The following MSRA variants were observed in gnomAD, a reference collection of about 807,000 sequenced individuals.
The protein encoded by MSRA is mitochondrial peptide methionine sulfoxide reductase.
In MSRA, 54 loss-of-function variants were observed where a neutral mutation model predicts 31.3. That is an observed-to-expected ratio of 1.73 (90% CI 1.39 to 2.17). MSRA has a LOEUF of 2.17. Ranked by LOEUF, MSRA falls within the 30% of genes most tolerant of loss-of-function variation. The pLI, the probability that MSRA is intolerant of heterozygous loss-of-function variation, is 0.00. For missense variants in MSRA, 507 were observed against 300.9 expected (o/e 1.69, Z -5.07); for synonymous variants, 169 against 116.5 (o/e 1.45, Z -2.90).
intron 5 of MSRA, among the ~76,000 whole-genome samples, chr8:10,371,057 T>C (rs1163445165): frequency 2.0e-5 from 3 of 152,304 alleles, no homozygotes; most frequent in African/African-American, 7.2e-5. Context: ...CTGGAGATGT[T>C]TTCAGACCAT....
intron 1 of MSRA, among the ~76,000 whole-genome samples, chr8:10,125,983 CAG>C (rs1160830652): frequency 1.3e-5 from 2 of 152,212 alleles, no homozygotes; most frequent in East Asian, 1.9e-4. Flanking sequence ...CACCGAATGT[CAG>C]AGTCTCCTAC....
intron 1 of MSRA, among the ~76,000 whole-genome samples, chr8:10,091,843 G>T (rs932033994): frequency 6.6e-6 from 1 of 152,088 alleles, no homozygotes; most frequent in Non-Finnish European, 1.5e-5. Flanking sequence ...TTGTCCTCAG[G>T]CAATCTGCTT....
chr8:10,324,312 G>A (rs1339465011), intron 5 of MSRA, among the ~76,000 whole-genome samples: 1 of 152,198 alleles, frequency 6.6e-6, no homozygotes, highest in East Asian at 1.9e-4. Context: ...GTTCATTAAG[G>A]GGTGAGCTTG....
At chr8:10,123,166 C>T (rs771193798) in intron 1 of MSRA, among the ~76,000 whole-genome samples, 8 of 152,356 alleles carry the variant, frequency 5.3e-5, no homozygotes, top group Non-Finnish European at 8.8e-5. Context: ...GTTTTCTTCT[C>T]TTCACAATCT....
chr8:10,068,649 A>G (rs909962457), intron 1 of MSRA, among the ~76,000 whole-genome samples: 2 of 152,152 alleles, frequency 1.3e-5, no homozygotes, highest in African/African-American at 4.8e-5. Context: ...GCTCCTTATT[A>G]TGATCCATTT....
intron 1 of MSRA, among the ~76,000 whole-genome samples, chr8:10,199,132 G>A (rs973875903): frequency 6.6e-6 from 1 of 152,136 alleles, no homozygotes; most frequent in African/African-American, 2.4e-5. Flanking sequence ...AATCATGGAT[G>A]CCTGCTTTGG....
chr8:10,063,249 C>A (rs1224381390), intron 1 of MSRA, among the ~76,000 whole-genome samples: 1 of 152,312 alleles, frequency 6.6e-6, no homozygotes, highest in East Asian at 1.9e-4. Context: ...CCATGAGTCC[C>A]GATGACTTCT....
intron 3 of MSRA, among the ~76,000 whole-genome samples, chr8:10,247,179 G>A (rs182115935): frequency 6.6e-6 from 1 of 152,204 alleles, no homozygotes; most frequent in Non-Finnish European, 1.5e-5. Context: ...ACTGTAATAA[G>A]CACTTTTTCT....
chr8:10,058,488 T>G (rs1164333301), intron 1 of MSRA, among the ~76,000 whole-genome samples: 2 of 152,196 alleles, frequency 1.3e-5, no homozygotes, highest in Non-Finnish European at 2.9e-5. Flanking sequence ...GGTAGAAAAT[T>G]TAAGCAGGTT....
At chr8:10,251,657 G>C (rs893018887) in intron 3 of MSRA, among the ~76,000 whole-genome samples, 2 of 152,150 alleles carry the variant, frequency 1.3e-5, no homozygotes, top group African/African-American at 4.8e-5. Flanking sequence ...TAGGACCAAA[G>C]ATATCTGCTC....
At chr8:10,376,276 C>T (rs536132311) in intron 5 of MSRA, among the ~76,000 whole-genome samples, 4 of 152,338 alleles carry the variant, frequency 2.6e-5, no homozygotes, top group Middle Eastern at 3.4e-3. Flanking sequence ...GAGGCTTCTC[C>T]TATCCCTGGC....
At chr8:10,296,729 G>A (rs1022912231) in intron 3 of MSRA, among the ~76,000 whole-genome samples, 1 of 152,216 alleles carries the variant, frequency 6.6e-6, no homozygotes, top group Non-Finnish European at 1.5e-5. Flanking sequence ...CCCAGCATGG[G>A]TGTGGGTCCC....
chr8:10,172,863 T>A (rs147121380), intron 1 of MSRA, among the ~76,000 whole-genome samples: 215 of 152,258 alleles, frequency 1.4e-3, no homozygotes, highest in African/African-American at 4.7e-3. Flanking sequence ...ATAGGTGCTG[T>A]GTTACAAAGA....
intron 1 of MSRA, among the ~76,000 whole-genome samples, chr8:10,077,069 G>C (rs1245217710): frequency 6.7e-6 from 1 of 148,976 alleles, no homozygotes; most frequent in Non-Finnish European, 1.5e-5. Context: ...AAAGAGCAGA[G>C]GACAAGGAGC....
chr8:10,136,234 G>A (rs1488135189), intron 1 of MSRA, among the ~76,000 whole-genome samples: 1 of 152,178 alleles, frequency 6.6e-6, no homozygotes, highest in Non-Finnish European at 1.5e-5. Flanking sequence ...ATTGGTGAAG[G>A]GAGCCAGGCA....
chr8:10,110,098 T>A (rs550311548), intron 1 of MSRA, among the ~76,000 whole-genome samples: 39 of 152,174 alleles, frequency 2.6e-4, no homozygotes, highest in Admixed American at 4.6e-4. Context: ...ACACAGACAT[T>A]CACTGAGCCT....
At chr8:10,151,773 T>G (rs2129037082) in intron 1 of MSRA, among the ~76,000 whole-genome samples, 1 of 151,866 alleles carries the variant, frequency 6.6e-6, no homozygotes, top group Non-Finnish European at 1.5e-5. Flanking sequence ...GTGAGATTAT[T>G]TAGACTGGGA....
At chr8:10,330,006 A>ATGTGTGTGTGTGTG (rs72198519) in intron 5 of MSRA, among the ~76,000 whole-genome samples, 85 of 135,476 alleles carry the variant, frequency 6.3e-4, no homozygotes, top group South Asian at 1.4e-3. Flanking sequence ...AGAGAAAAAA[A>ATGTGTGTGTGTGTG]TGTGTGTGTG....
chr8:10,274,334 ATG>A (rs1799206450), intron 3 of MSRA, among the ~76,000 whole-genome samples: 1 of 152,154 alleles, frequency 6.6e-6, no homozygotes, highest in Non-Finnish European at 1.5e-5. Context: ...CATCATTAGT[ATG>A]TGTTTCTCAG....
Sources: allele counts gnomAD v4.1 joint callset (sites outside exome capture counted in the v4.1 genomes callset), GRCh38; gene constraint gnomAD v4.1.1; transcripts MANE v1.5; gene names NCBI Gene and HGNC (gene_info 2026-07-23, HGNC 2026-07-21).